Variants in SAMD5 observed in about 807,000 individuals in gnomAD.
SAMD5 encodes the protein sterile alpha motif domain containing 5, also known as sterile alpha motif domain-containing protein 5.
Under a neutral mutation model 11.3 loss-of-function variants are expected in SAMD5, and 13 were observed. The observed-to-expected ratio is 1.15, with a 90% CI of 0.75 to 1.83. The LOEUF is 1.83. Among genes scored for constraint, SAMD5 ranks in the 40% most tolerant of loss-of-function variants. The pLI is 0.00. For missense variants in SAMD5, 255 were observed against 239.1 expected, an observed-to-expected ratio of 1.07 and a Z score of -0.44; for synonymous variants, 129 against 111.3, an observed-to-expected ratio of 1.16 and a Z score of -1.00.
At chr6:147,915,722 TC>T in the SAMD5 span, among the ~76,000 whole-genome samples, 1 of 152,176 alleles carries the variant, frequency 6.6e-6, no homozygotes, top group African/African-American at 2.4e-5. Context: ...GTCTGAAAGC[TC>T]CAAGAGGAAA....
chr6:147,772,477 A>G, the SAMD5 span, among the ~76,000 whole-genome samples: 2 of 152,198 alleles, frequency 1.3e-5, no homozygotes, highest in Non-Finnish European at 2.9e-5. Flanking sequence ...TCAGGCTGTC[A>G]TAACAAAATA....
the SAMD5 span, among the ~76,000 whole-genome samples, chr6:147,869,729 C>T: frequency 5.3e-5 from 8 of 152,196 alleles, no homozygotes; most frequent in African/African-American, 1.7e-4. Flanking sequence ...TACAGGGTCT[C>T]GCTCTTTTTC....
chr6:147,580,443 C>T (rs1789280884), intron 1 of SAMD5, among the ~76,000 whole-genome samples: 1 of 152,194 alleles, frequency 6.6e-6, no homozygotes, highest in Non-Finnish European at 1.5e-5. Flanking sequence ...TATCCTACCT[C>T]TCTTTGTTTT....
the SAMD5 span, among the ~76,000 whole-genome samples, chr6:147,872,050 G>C: frequency 6.6e-6 from 1 of 152,292 alleles, no homozygotes; most frequent in South Asian, 2.1e-4. Flanking sequence ...CATTTCTCCA[G>C]TTTGCAACAA....
rs532610724 is a variant in SAMD5, at chr6:147,520,651, G to C, written c.459+11264G>C. Among the ~76,000 whole-genome samples the C allele has an allele frequency of 2.6e-5, 4 of 152,176 alleles. 1 individual carries two copies. In the East Asian group the frequency reaches 7.7e-4, roughly 29 times the overall value. ...TGTTTTATACTGATACACAAAACTA[G>C]TATCACAGTCTAAATGGATAAGAGT... On this transcript the variant is annotated intron_variant, in intron 1 of 1. Transcript: ENST00000367474.
At position 147,567,814 on chromosome 6, in the gene SAMD5, G is replaced by C. The variant is rs115843372; in HGVS notation, c.*3358G>C. 1 of 985,276 alleles carries C rather than the reference G, an allele frequency of 1.0e-6. No homozygotes were observed. The highest frequency in any genetic ancestry group is 1.2e-6 in the Non-Finnish European group (1 of 829,818). 61.0% of individuals were successfully genotyped at this position (985,276 alleles called of 1,614,324 possible). On this transcript the variant is annotated 3_prime_UTR_variant, in exon 2 of 2. Coordinates refer to ENST00000367474, the MANE Select transcript of SAMD5 (RefSeq NM_001030060.3). Reference sequence around the variant, plus strand: ...CTCAGGAAGGATAAAAAAGGCTACAGTACCTGCTCATAGGAGTTCAGTAAA... The same window carrying C: ...CTCAGGAAGGATAAAAAAGGCTACACTACCTGCTCATAGGAGTTCAGTAAA...
At chr6:147,727,280 A>G (rs955157879) in intron 1 of SAMD5, among the ~76,000 whole-genome samples, 2 of 152,258 alleles carry the variant, frequency 1.3e-5, no homozygotes, top group East Asian at 1.9e-4. Context: ...ACAAACTCCT[A>G]TGCATTCCTC....
chr6:147,537,596 CAAA>C (rs34115551), intron 1 of SAMD5, among the ~76,000 whole-genome samples: 2 of 150,682 alleles, frequency 1.3e-5, no homozygotes, highest in South Asian at 4.2e-4. Context: ...ACTAAAAATA[CAAA>C]AAAAAATTAG....
the SAMD5 span, among the ~76,000 whole-genome samples, chr6:147,789,780 C>A: frequency 6.6e-6 from 1 of 152,110 alleles, no homozygotes; most frequent in African/African-American, 2.4e-5. Flanking sequence ...ATGACTGTGA[C>A]GGTTTTGAGG....
At chr6:147,738,053 G>T (rs1021799747), downstream of SAMD5, among the ~76,000 whole-genome samples, 1 of 152,108 alleles carries the variant, frequency 6.6e-6, no homozygotes, top group Non-Finnish European at 1.5e-5. Flanking sequence ...AACATGAGAA[G>T]CAAGGCATGG....
chr6:147,752,483 A>G, the SAMD5 span, among the ~76,000 whole-genome samples: 2 of 152,180 alleles, frequency 1.3e-5, no homozygotes, highest in Non-Finnish European at 2.9e-5. Context: ...TTCCATCGTC[A>G]TTTGCAGTAA....
At chr6:147,634,014 A>G (rs1790188752) in intron 1 of SAMD5, among the ~76,000 whole-genome samples, 1 of 152,008 alleles carries the variant, frequency 6.6e-6, no homozygotes, top group Non-Finnish European at 1.5e-5. Flanking sequence ...CTCAGAAACT[A>G]CTAATCTCCT....
chr6:147,730,470 C>G (rs1459539146), intron 1 of SAMD5, among the ~76,000 whole-genome samples: 1 of 152,028 alleles, frequency 6.6e-6, no homozygotes, highest in Admixed American at 6.6e-5. Flanking sequence ...TCAAGATACC[C>G]CAAGGTTTTT....
chr6:147,574,392 T>C (rs1789184422), downstream of SAMD5, among the ~76,000 whole-genome samples: 1 of 152,216 alleles, frequency 6.6e-6, no homozygotes, highest in Non-Finnish European at 1.5e-5. Context: ...AGTGTGACTT[T>C]AGGCCTGTCC....
At chr6:147,781,973 C>T in the SAMD5 span, among the ~76,000 whole-genome samples, 1 of 151,626 alleles carries the variant, frequency 6.6e-6, no homozygotes, top group East Asian at 1.9e-4. Flanking sequence ...GGTAAAGGGA[C>T]AATATGGAGT....
At chr6:147,874,100 A>C in the SAMD5 span, among the ~76,000 whole-genome samples, 1 of 152,224 alleles carries the variant, frequency 6.6e-6, no homozygotes, top group Non-Finnish European at 1.5e-5. Flanking sequence ...ATGCTTACTT[A>C]ATTGCTCAAA....
intron 1 of SAMD5, among the ~76,000 whole-genome samples, chr6:147,635,790 T>G (rs1214354749): frequency 6.6e-6 from 1 of 152,200 alleles, no homozygotes; most frequent in Non-Finnish European, 1.5e-5. Context: ...GACCTTAGAA[T>G]GAATACGTAT....
chr6:147,588,312 G>GTTT (rs34758455), intron 1 of SAMD5, among the ~76,000 whole-genome samples: 8 of 103,138 alleles, frequency 7.8e-5, no homozygotes, highest in East Asian at 2.8e-4. Flanking sequence ...TACTTTGTTG[G>GTTT]TTTTTTTTTT....
intron 1 of SAMD5, among the ~76,000 whole-genome samples, chr6:147,562,433 T>A (rs2128444289): frequency 6.6e-6 from 1 of 152,348 alleles, no homozygotes; most frequent in Non-Finnish European, 1.5e-5. Flanking sequence ...CCTGGATTTT[T>A]TTTCTGACAC....
Sources: allele counts gnomAD v4.1 joint callset (sites outside exome capture counted in the v4.1 genomes callset), GRCh38; gene constraint gnomAD v4.1.1; transcripts MANE v1.5; gene names NCBI Gene and HGNC (gene_info 2026-07-23, HGNC 2026-07-21).